Variants in ZNF257 observed in about 807,000 individuals in gnomAD.
ZNF257 encodes bone marrow zinc finger 4.
Under a neutral mutation model 11.9 loss-of-function variants are expected in ZNF257, and 12 were observed. The ratio of observed to expected loss-of-function variants is 1.01; its 90% CI spans 0.65 to 1.63. The LOEUF is 1.63. ZNF257 is among the 40% of genes most tolerant of loss of function. The pLI is 0.00. For synonymous variants in ZNF257, 183 were observed against 222.7 expected, an observed-to-expected ratio of 0.82 and a Z score of 1.59; for missense variants, 580 against 665.5, an observed-to-expected ratio of 0.87 and a Z score of 1.41.
chr19:22,067,416 C>T (rs1000682873), intron 1 of ZNF257, among the ~76,000 whole-genome samples: 2 of 152,120 alleles, frequency 1.3e-5, no homozygotes, highest in African/African-American at 4.8e-5. Context: ...GCTGCTACTC[C>T]ACCCATCCAG....
Position 22,081,045 on chromosome 19 carries a change from A to T in ZNF257, c.227-6932A>T, listed in dbSNP as rs372273030. On this transcript the variant is annotated intron_variant, in intron 3 of 3. Coordinates refer to ENST00000594947, the MANE Select transcript of ZNF257 (RefSeq NM_033468.4). ...AGGCACGTGCCACCATGCTCGGCTA[A>T]TTTTTGTATTTTTAGTAGAGTCGGG... 6.6e-5 allele frequency among the ~76,000 whole-genome samples: 10 copies of T among 151,516 alleles called. No individual in the cohort carries two copies. The East Asian group carries it at 1.6e-3, about 24-fold the overall frequency.
intron 1 of ZNF257, among the ~76,000 whole-genome samples, chr19:22,054,376 G>A (rs1294857755): frequency 6.6e-6 from 1 of 152,028 alleles, no homozygotes; most frequent in African/African-American, 2.4e-5. Context: ...CTTTTCCGCT[G>A]AATTTTTTAC....
At chr19:22,059,186 G>T (rs1198126348) in intron 1 of ZNF257, among the ~76,000 whole-genome samples, 1 of 151,954 alleles carries the variant, frequency 6.6e-6, no homozygotes, top group Non-Finnish European at 1.5e-5. Flanking sequence ...ACACATGCAG[G>T]TTTGTTATAT....
At chr19:22,080,388 T>G (rs556119470) in intron 3 of ZNF257, among the ~76,000 whole-genome samples, 117 of 152,236 alleles carry the variant, frequency 7.7e-4, no homozygotes, top group Non-Finnish European at 1.2e-3. Context: ...AATTTTACAT[T>G]CTATTAATTC....
In ZNF257 at chr19:22,089,016, G is replaced by A. The variant is rs755682704; in HGVS notation, c.1266G>A (p.Lys422=). 3 of 1,613,216 alleles carry A rather than the reference G, an allele frequency of 1.9e-6. No individual in the cohort carries two copies. The highest frequency in any genetic ancestry group is 2.5e-6 in the Non-Finnish European group (3 of 1,179,752). Residue 422 remains lysine, a synonymous_variant, in exon 4 of 4, where the codon AAG becomes AAA. Coordinates refer to ENST00000594947, the MANE Select transcript of ZNF257 (RefSeq NM_033468.4). ...SSALTTLTQH[K]IIHTGEKPYK... ...CTCTTACTACCCTTACTCAGCATAAGATAATTCATACTGGAGAGAAACCCT... is the reference window on the plus strand; with the variant it reads ...CTCTTACTACCCTTACTCAGCATAAAATAATTCATACTGGAGAGAAACCCT...
chr19:22,073,069 A>G lies in ZNF257; in HGVS notation c.130+134A>G, dbSNP rs117240899. 9.0e-3 allele frequency: 9,850 copies of G among 1,097,338 alleles called. 68 individuals carry two copies. Among genetic ancestry groups the G allele is most frequent in the Middle Eastern group, 0.012 (43 of 3,562 alleles). The allele number at this position is 1,097,338 out of a possible 1,614,324, so 68.0% of individuals were successfully genotyped here. On this transcript the variant is annotated intron_variant, in intron 2 of 3. Transcript: ENST00000594947. ...TATGTTTTGCATAAATGAGTTTCATATCCCTGTTTTCAAGAAAATCATAAG... is the reference window on the plus strand; with the variant it reads ...TATGTTTTGCATAAATGAGTTTCATGTCCCTGTTTTCAAGAAAATCATAAG...
At chr19:22,078,037 AGACCG>A (rs1385043617) in intron 3 of ZNF257, among the ~76,000 whole-genome samples, 1 of 151,540 alleles carries the variant, frequency 6.6e-6, no homozygotes. Context: ...CAGGAGTTTG[AGACCG>A]GACTGGCCAA....
intron 3 of ZNF257, among the ~76,000 whole-genome samples, chr19:22,082,277 G>C (rs1327647064): frequency 6.6e-6 from 1 of 150,468 alleles, no homozygotes; most frequent in Non-Finnish European, 1.5e-5. Flanking sequence ...ATTTAATAGA[G>C]AGGTTTATAT....
intron 3 of ZNF257, among the ~76,000 whole-genome samples, chr19:22,080,035 A>C (rs1348139495): frequency 6.6e-6 from 1 of 152,120 alleles, no homozygotes; most frequent in South Asian, 2.1e-4. Context: ...GCTGGAGTGC[A>C]GTGGCATGAT....
At chr19:22,061,712 A>G (rs996746246) in intron 1 of ZNF257, among the ~76,000 whole-genome samples, 4 of 151,070 alleles carry the variant, frequency 2.6e-5, no homozygotes, top group African/African-American at 9.8e-5. Context: ...GTCTTGTGCC[A>G]TTTTTTAAAG....
At chr19:22,076,720 G>C (rs997579481) in intron 3 of ZNF257, among the ~76,000 whole-genome samples, 1 of 151,744 alleles carries the variant, frequency 6.6e-6, no homozygotes, top group Non-Finnish European at 1.5e-5. Flanking sequence ...ACGGAGTCTC[G>C]CTCTGTCACC....
chr19:22,076,578 A>G (rs2022227894), intron 3 of ZNF257, among the ~76,000 whole-genome samples: 1 of 152,132 alleles, frequency 6.6e-6, no homozygotes, highest in African/African-American at 2.4e-5. Flanking sequence ...TACTGTAGTT[A>G]TCTAGACAAT....
chr19:22,058,346 A>T (rs778051721), intron 1 of ZNF257, among the ~76,000 whole-genome samples: 8 of 152,132 alleles, frequency 5.3e-5, no homozygotes, highest in Non-Finnish European at 1.2e-4. Context: ...ACTGGTCAAC[A>T]TAACTATGTT....
At chr19:22,083,067 A>G (rs766218671) in intron 3 of ZNF257, among the ~76,000 whole-genome samples, 1 of 150,950 alleles carries the variant, frequency 6.6e-6, no homozygotes, top group South Asian at 2.1e-4. Flanking sequence ...AGCCACAAAA[A>G]TTCTCCTAAT....
At chr19:22,053,711 A>C (rs920746812) in intron 1 of ZNF257, among the ~76,000 whole-genome samples, 1 of 152,120 alleles carries the variant, frequency 6.6e-6, no homozygotes, top group African/African-American at 2.4e-5. Context: ...GGATCACTTG[A>C]GGTCGGGAGT....
chr19:22,052,494 T>C lies in ZNF257; in HGVS notation c.-139T>C, dbSNP rs1971726755. 3 of 1,013,848 alleles carry C rather than the reference T, an allele frequency of 3.0e-6. No individual in the cohort carries two copies. Among genetic ancestry groups the C allele is most frequent in the African/African-American group, 1.6e-5 (1 of 61,594 alleles). 62.8% of individuals were successfully genotyped at this position (1,013,848 alleles called of 1,614,324 possible). A position where few individuals can be genotyped will look rare whatever the true frequency, so the allele number is the denominator to read the frequency against. ...CCGGGTTTGGCGGGTACTTTGTCTC[T>C]CGCTCTAGCCCGAGCTGCAGGTCTC... On this transcript the variant is annotated 5_prime_UTR_variant, in exon 1 of 4. Transcript: ENST00000594947.
At chr19:22,066,843 C>T (rs539029085) in intron 1 of ZNF257, among the ~76,000 whole-genome samples, 1 of 152,258 alleles carries the variant, frequency 6.6e-6, no homozygotes, top group Non-Finnish European at 1.5e-5. Flanking sequence ...TGATGAACAT[C>T]TTTCTGTCTT....
intron 3 of ZNF257, among the ~76,000 whole-genome samples, chr19:22,082,692 G>A (rs1446714304): frequency 6.6e-6 from 1 of 151,922 alleles, no homozygotes; most frequent in Admixed American, 6.6e-5. Flanking sequence ...TCTTCTTCCA[G>A]CATTTTGTTC....
intron 1 of ZNF257, among the ~76,000 whole-genome samples, chr19:22,056,729 C>A (rs1398969285): frequency 6.6e-6 from 1 of 152,050 alleles, no homozygotes; most frequent in Admixed American, 6.6e-5. Context: ...CCGCCCACCT[C>A]GGCCTCCCAA....
Sources: allele counts gnomAD v4.1 joint callset (sites outside exome capture counted in the v4.1 genomes callset), GRCh38; gene constraint gnomAD v4.1.1; transcripts MANE v1.5; gene names NCBI Gene and HGNC (gene_info 2026-07-23, HGNC 2026-07-21).